Variants in NSG1 observed in about 807,000 individuals in gnomAD.
The protein encoded by NSG1 is neuronal vesicle trafficking associated 1, also known as neuronal vesicle trafficking-associated protein 1.
In NSG1, 9 loss-of-function variants were observed where a neutral mutation model predicts 19.3. That is an observed-to-expected ratio of 0.47 (90% confidence interval 0.28 to 0.81). The LOEUF (loss-of-function observed/expected upper bound fraction) is 0.81, where lower values mean the gene tolerates loss of function less well. NSG1 is among the 40% of genes least tolerant of loss of function. The pLI is 0.11. For synonymous variants in NSG1, 104 were observed against 107.0 expected, an observed-to-expected ratio of 0.97 and a Z score of 0.17; for missense variants, 236 against 242.4, an observed-to-expected ratio of 0.97 and a Z score of 0.18.
chr4:4,416,789 T>C (rs535080224), intron 4 of NSG1, among the ~76,000 whole-genome samples: 85 of 152,176 alleles, frequency 5.6e-4, no homozygotes, highest in Non-Finnish European at 1.1e-3. Flanking sequence ...TCCTTTGCCT[T>C]GAGTGCTGCC....
At chr4:4,387,544 T>TTG in intron 1 of NSG1, 60 bp from the exon 2 acceptor site, 40 of 520,884 alleles carry the variant, frequency 7.7e-5, no homozygotes, top group East Asian at 2.2e-4. Context: ...GGTGCCCACT[T>TTG]CCCCCCCGCC....
At chr4:4,393,040 G>A (rs1293363899) in intron 3 of NSG1, among the ~76,000 whole-genome samples, 1 of 152,148 alleles carries the variant, frequency 6.6e-6, no homozygotes, top group Non-Finnish European at 1.5e-5. Context: ...CCACTCACCT[G>A]TCCTGCCCCA....
chr4:4,397,445 T>C (rs566336567), intron 3 of NSG1, among the ~76,000 whole-genome samples: 13 of 152,322 alleles, frequency 8.5e-5, no homozygotes, highest in African/African-American at 3.1e-4. Context: ...CAAATCCCAC[T>C]GTGCTCCGTC....
At chr4:4,387,951 G>A (rs1188916281) in intron 2 of NSG1, among the ~76,000 whole-genome samples, 193 bp downstream of exon 2, 1 of 149,078 alleles carries the variant, frequency 6.7e-6, no homozygotes, top group African/African-American at 2.4e-5. Context: ...CGGGGGAGGG[G>A]AGCCCTGCCT....
At chr4:4,391,854 T>C (rs1723011350) in intron 3 of NSG1, among the ~76,000 whole-genome samples, 1 of 152,246 alleles carries the variant, frequency 6.6e-6, no homozygotes. Context: ...AACTGTCTTT[T>C]AGGCAAAGAT....
At chr4:4,387,561 C>CCGGGGGTT in intron 1 of NSG1, 43 bp from the exon 2 acceptor site, 1 of 1,141,992 alleles carries the variant, frequency 8.8e-7, no homozygotes, top group Non-Finnish European at 1.2e-6. Flanking sequence ...CGCCCCGCCC[C>CCGGGGGTT]GGGTCTTGCT....
At chr4:4,388,151 G>A (rs937383033) in intron 2 of NSG1, among the ~76,000 whole-genome samples, 1 of 151,548 alleles carries the variant, frequency 6.6e-6, no homozygotes, top group Non-Finnish European at 1.5e-5. Context: ...CTTCCCGGGT[G>A]TGGCAGTTCA....
intron 4 of NSG1, among the ~76,000 whole-genome samples, chr4:4,416,752 G>A (rs78394666): frequency 1.4e-3 from 214 of 147,858 alleles, no homozygotes; most frequent in African/African-American, 5.2e-3. Context: ...TCTGACTCCC[G>A]CCCCAAGGCC....
chr4:4,413,738 C>T (rs919726741), intron 4 of NSG1, among the ~76,000 whole-genome samples: 1 of 151,740 alleles, frequency 6.6e-6, no homozygotes, highest in African/African-American at 2.4e-5. Flanking sequence ...GATAGGGTGA[C>T]CTCTTGGGTC....
chr4:4,413,963 C>T (rs1724369766), intron 4 of NSG1, among the ~76,000 whole-genome samples: 2 of 152,058 alleles, frequency 1.3e-5, no homozygotes, highest in South Asian at 4.1e-4. Context: ...GGAGAGGGAG[C>T]ACGGGCAGGC....
chr4:4,393,608 G>A (rs1264448922), intron 3 of NSG1, among the ~76,000 whole-genome samples: 1 of 152,206 alleles, frequency 6.6e-6, no homozygotes, highest in African/African-American at 2.4e-5. Context: ...TGACTATACT[G>A]GACTAAGTCT....
rs142524088 is a variant in NSG1 at position 4,393,461 on chromosome 4, G to A, written c.246+1870G>A. 2.0e-3 allele frequency among the ~76,000 whole-genome samples: 309 copies of A among 152,308 alleles called. 4 individuals are homozygous for A. The highest frequency in any genetic ancestry group is 9.8e-3 in the Admixed American group (150 of 15,300). The stretch of plus-strand genomic sequence containing the variant: ...ACCTGGCCCCTGTTGCCCAGAACCT[G>A]AAGGCTCAGAAGACCATGGGTGATT... On this transcript the variant is annotated intron_variant, in intron 3 of 4. Transcript: ENST00000621129.
chr4:4,388,994 A>G (rs1429712536), intron 2 of NSG1, among the ~76,000 whole-genome samples: 3 of 151,940 alleles, frequency 2.0e-5, no homozygotes, highest in South Asian at 2.1e-4. Context: ...CTTCCACTCC[A>G]CCCCTCCCTG....
At chr4:4,408,810 G>A (rs991019957) in intron 3 of NSG1, among the ~76,000 whole-genome samples, 1 of 152,158 alleles carries the variant, frequency 6.6e-6, no homozygotes, top group South Asian at 2.1e-4. Flanking sequence ...CCTGGCAGCC[G>A]GGTGAGTGCC....
intron 3 of NSG1, among the ~76,000 whole-genome samples, chr4:4,404,304 GGGCTCCCATAGGGTAACAAT>G (rs1449340066): frequency 3.3e-5 from 5 of 152,208 alleles, no homozygotes; most frequent in South Asian, 2.1e-4. Flanking sequence ...TGTGGGAGTG[GGGCTCCCATAGGGTAACAAT>G]GGCTCACCCA....
At chr4:4,413,526 G>A (rs1376474274) in intron 4 of NSG1, among the ~76,000 whole-genome samples, 1 of 151,410 alleles carries the variant, frequency 6.6e-6, no homozygotes, top group Non-Finnish European at 1.5e-5. Context: ...AACGAGGGCA[G>A]TGCTGGCCCT....
At chr4:4,416,210 G>A (rs1003887666) in intron 4 of NSG1, 34 of 702,086 alleles carry the variant, frequency 4.8e-5, no homozygotes, top group Admixed American at 1.6e-4. Context: ...CAGCTGGTAC[G>A]GTGGGCCTGG....
At chr4:4,397,257 C>A (rs1183195758) in intron 3 of NSG1, among the ~76,000 whole-genome samples, 1 of 152,054 alleles carries the variant, frequency 6.6e-6, no homozygotes, top group Admixed American at 6.5e-5. Context: ...CACCCAGCGC[C>A]GTCGACCTGG....
chr4:4,387,561 C>CCGGGGTGGGTGG, intron 1 of NSG1, 43 bp from the exon 2 acceptor site: 1 of 1,141,992 alleles, frequency 8.8e-7, no homozygotes, highest in Non-Finnish European at 1.2e-6. Context: ...CGCCCCGCCC[C>CCGGGGTGGGTGG]GGGTCTTGCT....
Sources: gnomAD v4.1 joint callset for allele counts (sites outside exome capture counted in the v4.1 genomes callset) on GRCh38, gnomAD v4.1.1 for gene constraint, MANE v1.5 for transcripts, NCBI Gene and HGNC (gene_info 2026-07-23, HGNC 2026-07-21) for gene names.